The following NRIP1 variants were observed in gnomAD, a reference collection of about 807,000 sequenced individuals.
NRIP1 encodes nuclear receptor interacting protein 1.
Under a neutral mutation model 75.0 loss-of-function variants are expected in NRIP1, and 28 were observed. The observed-to-expected ratio is 0.37, with a 90% CI of 0.28 to 0.51. NRIP1 has a LOEUF of 0.51. NRIP1 is among the 20% of genes least tolerant of loss of function. The pLI, the probability that NRIP1 is intolerant of heterozygous loss-of-function variation, is 0.92. For synonymous variants in NRIP1, 526 were observed against 487.6 expected (o/e 1.08, Z -1.04); for missense variants, 1,435 against 1,343.7 (o/e 1.07, Z -1.06).
intron 1 of NRIP1, among the ~76,000 whole-genome samples, chr21:15,047,252 C>A (rs1334745890): frequency 1.3e-5 from 2 of 151,722 alleles, no homozygotes; most frequent in African/African-American, 2.4e-5. Flanking sequence ...ATAAAACCAT[C>A]AGATCTCGGC....
intron 1 of NRIP1, among the ~76,000 whole-genome samples, chr21:15,060,506 A>G (rs2089402444): frequency 6.6e-6 from 1 of 152,202 alleles, no homozygotes; most frequent in Non-Finnish European, 1.5e-5. Context: ...CCCAAACTTT[A>G]GCACTCAGAA....
chr21:15,005,770 TTACCTAGAAGCA>T (rs2087956115), intron 3 of NRIP1, among the ~76,000 whole-genome samples: 1 of 152,146 alleles, frequency 6.6e-6, no homozygotes, highest in African/African-American at 2.4e-5. Flanking sequence ...GAGAGAGGGT[TTACCTAGAAGCA>T]TTCTTTTATA....
intron 3 of NRIP1, among the ~76,000 whole-genome samples, chr21:14,983,347 T>C (rs1208329483): frequency 6.6e-6 from 1 of 152,176 alleles, no homozygotes; most frequent in Non-Finnish European, 1.5e-5. Context: ...AAACCAGCTA[T>C]TACATTCCCT....
intron 1 of NRIP1, among the ~76,000 whole-genome samples, chr21:15,045,276 G>A (rs1053163286): frequency 1.3e-5 from 2 of 152,058 alleles, no homozygotes; most frequent in Non-Finnish European, 2.9e-5. Context: ...AAGTCTCTAA[G>A]CACATAAAGG....
At chr21:15,027,602 A>G (rs1227037421) in intron 2 of NRIP1, among the ~76,000 whole-genome samples, 2 of 152,344 alleles carry the variant, frequency 1.3e-5, no homozygotes, top group East Asian at 3.9e-4. Flanking sequence ...ATTCATATCT[A>G]CCACCACTTT....
chr21:14,967,257 A>T lies in NRIP1; in HGVS notation c.936T>A (p.Val312=). Residue 312 remains valine, a synonymous_variant, in exon 4 of 4, where the codon GTT becomes GTA. Coordinates refer to ENST00000318948, the MANE Select transcript of NRIP1 (RefSeq NM_003489.4). ...TTCCTTTTGGGAGCTGGTAACTGCC[A>T]ACATCCTTCTGGCCATTTTCTTGCA... is the stretch of plus-strand genomic sequence containing the variant. ...ARLQENGQKD[V]GSYQLPKGMS... is the part of the protein sequence containing the mutation. 1 of 1,613,976 alleles carries T rather than the reference A, an allele frequency of 6.2e-7. No individual in the cohort carries two copies. The highest frequency in any genetic ancestry group is 8.5e-7 in the Non-Finnish European group (1 of 1,179,982).
intron 1 of NRIP1, among the ~76,000 whole-genome samples, chr21:15,060,723 T>A (rs1308505763): frequency 6.6e-6 from 1 of 152,150 alleles, no homozygotes; most frequent in Admixed American, 6.5e-5. Flanking sequence ...TTGTCGTTTC[T>A]CTCCCTCAAA....
At position 14,966,554 on chromosome 21, in the gene NRIP1, G is replaced by T. The variant is rs777534057; in HGVS notation, c.1639C>A (p.Arg547=). 1.9e-6 allele frequency: 3 copies of T among 1,614,090 alleles called. No individual in the cohort carries two copies. In the Admixed American group the frequency reaches 5.0e-5, roughly 27 times the overall value. The change falls in exon 4 of 4, where the codon CGG becomes AGG. Residue 547 remains arginine, a synonymous_variant. Coordinates refer to ENST00000318948, the MANE Select transcript of NRIP1 (RefSeq NM_003489.4). ...TSVIESPSTN[R]TTPVSTPPLL... ...GGTGGAGTGCTCACTGGAGTAGTCC[G>T]ATTTGTACTGGGGCTTTCTATCACA... is the stretch of plus-strand genomic sequence containing the variant.
chr21:15,019,391 G>A (rs2147198718), intron 2 of NRIP1, among the ~76,000 whole-genome samples: 1 of 143,976 alleles, frequency 6.9e-6, no homozygotes, highest in Non-Finnish European at 1.5e-5. Flanking sequence ...TAACTCTAAG[G>A]ACTCTACAAG....
intron 3 of NRIP1, among the ~76,000 whole-genome samples, chr21:14,989,699 A>T (rs1338229878): frequency 6.6e-6 from 1 of 152,206 alleles, no homozygotes; most frequent in Non-Finnish European, 1.5e-5. Flanking sequence ...TAAAATTAAA[A>T]GTAGACAAAT....
At chr21:15,036,744 A>T (rs1051919029) in intron 2 of NRIP1, among the ~76,000 whole-genome samples, 1 of 152,214 alleles carries the variant, frequency 6.6e-6, no homozygotes, top group Admixed American at 6.6e-5. Flanking sequence ...CAGGCTACTT[A>T]GCAATATTTA....
At chr21:14,982,638 T>C (rs2087270073) in intron 3 of NRIP1, among the ~76,000 whole-genome samples, 1 of 152,156 alleles carries the variant, frequency 6.6e-6, no homozygotes, top group Non-Finnish European at 1.5e-5. Flanking sequence ...CTTACAAAAC[T>C]GTACGGTCAC....
chr21:14,979,859 C>T (rs372184328), intron 3 of NRIP1, among the ~76,000 whole-genome samples: 133 of 150,480 alleles, frequency 8.8e-4, no homozygotes, highest in African/African-American at 3.1e-3. Flanking sequence ...TATATATATG[C>T]TTGCACTTTT....
At chr21:15,035,817 A>T (rs1394160444) in intron 2 of NRIP1, among the ~76,000 whole-genome samples, 3 of 152,146 alleles carry the variant, frequency 2.0e-5, no homozygotes, top group Non-Finnish European at 4.4e-5. Flanking sequence ...CGGCCTCCCA[A>T]AGTGCTGGGA....
intron 3 of NRIP1, among the ~76,000 whole-genome samples, chr21:14,985,209 A>C (rs948687973): frequency 5.9e-5 from 9 of 152,192 alleles, no homozygotes; most frequent in Admixed American, 3.3e-4. Flanking sequence ...CATGCTGTAA[A>C]CAGCAAGTAA....
rs1365568327 is a variant in NRIP1 at position 14,964,327 on chromosome 21, T to C, written c.*389A>G. 3 of 156,688 alleles carry C rather than the reference T, an allele frequency of 1.9e-5. No individual in the cohort carries two copies. Among genetic ancestry groups the C allele is most frequent in the African/African-American group, 7.2e-5 (3 of 41,578 alleles). The allele number at this position is 156,688 out of a possible 1,614,324, so 9.7% of individuals were successfully genotyped here. A position where few individuals can be genotyped will look rare whatever the true frequency, so the allele number is the denominator to read the frequency against. ...TGTTTAACAGTTTAGACTTTAAAAA[T>C]GTGTTATGTAGGCTGACTTCTGAAA... On this transcript the variant is annotated 3_prime_UTR_variant, in exon 4 of 4. Transcript: ENST00000318948.
chr21:15,058,576 T>C (rs1468101280), intron 1 of NRIP1, among the ~76,000 whole-genome samples: 4 of 152,228 alleles, frequency 2.6e-5, no homozygotes, highest in South Asian at 4.1e-4. Flanking sequence ...AACTTCTAGA[T>C]AGATTCCTCA....
In NRIP1 at chr21:14,962,725, T is replaced by C. The variant is rs2146900625; in HGVS notation, c.*1991A>G. 6.6e-6 allele frequency: 1 copy of C among 152,618 alleles called. No homozygotes were observed. The highest frequency in any genetic ancestry group is 2.1e-4 in the South Asian group (1 of 4,828). The allele number at this position is 152,618 out of a possible 1,614,324, so 9.5% of individuals were successfully genotyped here. A position where few individuals can be genotyped will look rare whatever the true frequency, so the allele number is the denominator to read the frequency against. ...AGCCTATGCCTTCACTTCTCCATGA[T>C]GTTGCATAATACCCACTCCTATTAC... On this transcript the variant is annotated 3_prime_UTR_variant, in exon 4 of 4. Coordinates refer to ENST00000318948, the MANE Select transcript of NRIP1 (RefSeq NM_003489.4).
intron 2 of NRIP1, among the ~76,000 whole-genome samples, chr21:15,032,113 G>C (rs578182972): frequency 9.2e-5 from 14 of 152,232 alleles, no homozygotes; most frequent in Non-Finnish European, 1.8e-4. Context: ...AGTGGAGGAA[G>C]GAAGTAGGTC....
Sources: gnomAD v4.1 joint callset for allele counts (sites outside exome capture counted in the v4.1 genomes callset) on GRCh38, gnomAD v4.1.1 for gene constraint, MANE v1.5 for transcripts, NCBI Gene and HGNC (gene_info 2026-07-23, HGNC 2026-07-21) for gene names.